MYO18B: variants seen among roughly 807,000 people sequenced by gnomAD.
The protein encoded by MYO18B is myosin XVIIIB, also known as unconventional myosin-XVIIIb.
Under a neutral mutation model 273.0 loss-of-function variants are expected in MYO18B, and 204 were observed. The observed-to-expected ratio is 0.75, with a 90% CI of 0.67 to 0.84. The LOEUF (loss-of-function observed/expected upper bound fraction) is 0.84, where lower values mean the gene tolerates loss of function less well. Among genes scored for constraint, MYO18B ranks in the 40% least tolerant of loss-of-function variants. MYO18B has a pLI of 0.00. For synonymous variants in MYO18B, 1,330 were observed against 1,305.7 expected (o/e 1.02, Z -0.40); for missense variants, 3,212 against 3,287.6 (o/e 0.98, Z 0.56).
chr22:25,823,721 G>C, intron 13 of MYO18B, 43 bp downstream of exon 13: 2 of 1,604,982 alleles, frequency 1.2e-6, no homozygotes, highest in Non-Finnish European at 1.7e-6. Flanking sequence ...GCCCCCCTCT[G>C]GGCCAGCTCC....
chr22:25,787,309 C>CACACACACACACACACACACACAG (rs57856007), intron 11 of MYO18B, among the ~76,000 whole-genome samples: 21 of 144,666 alleles, frequency 1.5e-4, no homozygotes, highest in African/African-American at 5.4e-4. Flanking sequence ...CACACACACA[C>CACACACACACACACACACACACAG]AGTCTGTCTT....
At chr22:25,869,078 GT>G in intron 22 of MYO18B, among the ~76,000 whole-genome samples, 1 of 152,254 alleles carries the variant, frequency 6.6e-6, no homozygotes, top group South Asian at 2.1e-4. Flanking sequence ...ATGGATTATA[GT>G]TTGGGAAGTG....
chr22:26,021,670 G>A (rs908913211), intron 42 of MYO18B, among the ~76,000 whole-genome samples: 7 of 152,232 alleles, frequency 4.6e-5, no homozygotes, highest in African/African-American at 9.6e-5. Flanking sequence ...GGAAGCTGAG[G>A]GTTAGAGAAG....
intron 12 of MYO18B, among the ~76,000 whole-genome samples, chr22:25,811,447 A>G (rs2088756224): frequency 6.6e-6 from 1 of 152,226 alleles, no homozygotes; most frequent in African/African-American, 2.4e-5. Context: ...GCCGCAGTAC[A>G]TATTGAAACC....
intron 29 of MYO18B, chr22:25,901,520 A>G (rs1318643005): frequency 6.6e-6 from 1 of 152,178 alleles, no homozygotes; most frequent in East Asian, 1.9e-4. Context: ...TCCCTGGATG[A>G]CTTTCAGTAG....
chr22:25,966,772 T>G (rs2092984089), intron 39 of MYO18B, among the ~76,000 whole-genome samples: 1 of 152,220 alleles, frequency 6.6e-6, no homozygotes, highest in African/African-American at 2.4e-5. Context: ...AAAAGAAACT[T>G]AGTCCTAATA....
intron 11 of MYO18B, among the ~76,000 whole-genome samples, chr22:25,787,272 G>GCGCGCACACACACACACACA (rs1482737296): frequency 7.3e-5 from 10 of 136,714 alleles, no homozygotes; most frequent in African/African-American, 2.6e-4. Context: ...GCAGGCGCGC[G>GCGCGCACACACACACACACA]CACACACACA....
intron 40 of MYO18B, among the ~76,000 whole-genome samples, chr22:25,998,755 CCT>C (rs1933617405): frequency 6.6e-6 from 1 of 152,130 alleles, no homozygotes; most frequent in Non-Finnish European, 1.5e-5. Flanking sequence ...TAGTTTGTCC[CCT>C]ATGAGTAATG....
intron 42 of MYO18B, among the ~76,000 whole-genome samples, chr22:26,015,089 G>C (rs1601835907): frequency 6.6e-6 from 1 of 151,980 alleles, no homozygotes; most frequent in African/African-American, 2.4e-5. Flanking sequence ...TTTTTGCTTT[G>C]GTTGCAATTG....
intron 11 of MYO18B, among the ~76,000 whole-genome samples, chr22:25,790,839 T>A (rs913487388): frequency 2.0e-5 from 3 of 152,082 alleles, no homozygotes; most frequent in African/African-American, 7.2e-5. Flanking sequence ...TTGCTGGGAA[T>A]CTCTGAGGAC....
At chr22:25,937,127 G>T (rs192663385) in intron 34 of MYO18B, among the ~76,000 whole-genome samples, 6 of 151,666 alleles carry the variant, frequency 4.0e-5, no homozygotes, top group Non-Finnish European at 7.4e-5. Flanking sequence ...TCACCCAGGC[G>T]GGAGTGCAGT....
chr22:25,784,988 C>T (rs1293553395), intron 10 of MYO18B, among the ~76,000 whole-genome samples: 1 of 152,170 alleles, frequency 6.6e-6, no homozygotes, highest in African/African-American at 2.4e-5. Context: ...GGCAGGTACC[C>T]ACTCTCAGTG....
rs114841099 is a variant in MYO18B at position 25,777,824 on chromosome 22, G to C, written c.2068+43G>C. On this transcript the variant is annotated intron_variant, in intron 8 of 43. Coordinates refer to ENST00000335473, the MANE Select transcript of MYO18B (RefSeq NM_032608.7). The stretch of plus-strand genomic sequence containing the variant: ...TGACATGGAGAGTTGGGGTCAGCAC[G>C]GGGAGAGTTGGAAGGGGATGCTGAG... 13 of 1,513,708 alleles carry C rather than the reference G, an allele frequency of 8.6e-6. No homozygotes were observed. The African/African-American group carries it at 1.5e-4, about 18-fold the overall frequency. The allele number at this position is 1,513,708 out of a possible 1,614,324, so 93.8% of individuals were successfully genotyped here.
chr22:25,836,789 C>T (rs2145958923), intron 17 of MYO18B, among the ~76,000 whole-genome samples: 1 of 152,072 alleles, frequency 6.6e-6, no homozygotes, highest in South Asian at 2.1e-4. Flanking sequence ...GGTGAAACCC[C>T]ATCTCTACTA....
At chr22:25,789,832 A>G (rs1299805264) in intron 11 of MYO18B, among the ~76,000 whole-genome samples, 5 of 152,156 alleles carry the variant, frequency 3.3e-5, no homozygotes, top group Non-Finnish European at 7.3e-5. Context: ...CAAATATTTT[A>G]CATAATTCAT....
At chr22:26,054,570 G>C in the MYO18B span, among the ~76,000 whole-genome samples, 63 of 152,218 alleles carry the variant, frequency 4.1e-4, no homozygotes, top group Non-Finnish European at 7.9e-4. Flanking sequence ...GGATGAGGTG[G>C]AGTTAGAAAA....
At chr22:25,967,655 T>C (rs2092993968) in intron 39 of MYO18B, among the ~76,000 whole-genome samples, 2 of 152,210 alleles carry the variant, frequency 1.3e-5, no homozygotes, top group Admixed American at 1.3e-4. Flanking sequence ...ATAACTTGTC[T>C]AGGTTATGGC....
At chr22:25,948,503 CTCT>C (rs1347498378) in intron 36 of MYO18B, among the ~76,000 whole-genome samples, 64 of 85,506 alleles carry the variant, frequency 7.5e-4, no homozygotes, top group Admixed American at 2.1e-3. Context: ...TTTCTTTCCT[CTCT>C]TTTCTCTTTC....
At chr22:25,796,451 C>A (rs969731430) in intron 11 of MYO18B, among the ~76,000 whole-genome samples, 2 of 152,100 alleles carry the variant, frequency 1.3e-5, no homozygotes, top group East Asian at 3.9e-4. Context: ...ATAAAATCAT[C>A]TGGGCATGGC....
Sources: allele counts gnomAD v4.1 joint callset (sites outside exome capture counted in the v4.1 genomes callset), GRCh38; gene constraint gnomAD v4.1.1; transcripts MANE v1.5; gene names NCBI Gene and HGNC (gene_info 2026-07-23, HGNC 2026-07-21).